Variants in EPHA6 observed in about 807,000 individuals in gnomAD.
The protein encoded by EPHA6 is EPH receptor A6, also known as ephrin type-A receptor 6.
In EPHA6, 50 loss-of-function variants were observed where a neutral mutation model predicts 112.0. The observed-to-expected ratio is 0.45, with a 90% CI of 0.36 to 0.56. EPHA6 has a LOEUF of 0.56. Among genes scored for constraint, EPHA6 ranks in the 20% least tolerant of loss-of-function variants. EPHA6 has a pLI of 0.00. For missense variants in EPHA6, 1,280 were observed against 1,417.4 expected, an observed-to-expected ratio of 0.90 and a Z score of 1.56; for synonymous variants, 529 against 490.7, an observed-to-expected ratio of 1.08 and a Z score of -1.03.
At position 97,566,779 on chromosome 3, in the gene EPHA6, C is replaced by T. The variant is rs534122943; in HGVS notation, c.2387-25833C>T. Among the ~76,000 whole-genome samples the T allele has an allele frequency of 9.2e-5, 14 of 152,188 alleles. 1 individual carries two copies. The highest frequency in any genetic ancestry group is 3.9e-4 in the Admixed American group (6 of 15,286). ...TTTCTTCAATAATGGCTTTACTATC[C>T]GGTGAGCTTTTTCTATATGGACACC... is the stretch of plus-strand genomic sequence containing the variant. On this transcript the variant is annotated intron_variant, in intron 11 of 17. Transcript: ENST00000389672.
intron 7 of EPHA6, among the ~76,000 whole-genome samples, chr3:97,454,167 C>A (rs1224463088): frequency 6.6e-6 from 1 of 151,746 alleles, no homozygotes; most frequent in Non-Finnish European, 1.5e-5. Context: ...AGCTTCCATG[C>A]CACTTTCCTG....
At chr3:97,486,012 C>A (rs1193122926) in intron 10 of EPHA6, among the ~76,000 whole-genome samples, 3 of 152,040 alleles carry the variant, frequency 2.0e-5, no homozygotes, top group African/African-American at 4.8e-5. Flanking sequence ...TAAAATGTTT[C>A]TTTTATTTTT....
chr3:97,532,813 T>C (rs1050708578), intron 11 of EPHA6, among the ~76,000 whole-genome samples: 2 of 152,038 alleles, frequency 1.3e-5, no homozygotes, highest in African/African-American at 4.8e-5. Flanking sequence ...GTTTTTGCTT[T>C]GTTTTGTTTT....
chr3:97,357,771 T>A (rs914057476), intron 5 of EPHA6, among the ~76,000 whole-genome samples: 47 of 152,308 alleles, frequency 3.1e-4, no homozygotes, highest in Middle Eastern at 3.4e-3. Context: ...CTATATTGTA[T>A]GTATTGTATA....
At chr3:97,187,615 AAAAG>A (rs1390276896) in intron 3 of EPHA6, among the ~76,000 whole-genome samples, 24 of 150,658 alleles carry the variant, frequency 1.6e-4, no homozygotes, top group African/African-American at 2.9e-4. Context: ...GAAAGAAAGA[AAAAG>A]AAAGAAAGGG....
At position 97,068,996 on chromosome 3, in the gene EPHA6, G is replaced by A. The variant is rs1378871887; in HGVS notation, c.1114+81003G>A. ...GCAGCCCACACTGAGTAAGGCGCAC[G>A]TGCGTATACACACACGCACACATAC... On this transcript the variant is annotated intron_variant, in intron 3 of 17. Transcript: ENST00000389672. 5.3e-5 allele frequency among the ~76,000 whole-genome samples: 8 copies of A among 152,040 alleles called. No individual in the cohort carries two copies. In the South Asian group the frequency reaches 1.0e-3, roughly 20 times the overall value.
chr3:97,271,201 A>G (rs1392963040), intron 5 of EPHA6, among the ~76,000 whole-genome samples: 1 of 152,238 alleles, frequency 6.6e-6, no homozygotes, highest in Non-Finnish European at 1.5e-5. Flanking sequence ...ACTTACTTAT[A>G]ATTAGCCTGA....
At chr3:97,641,490 C>T (rs932425464) in intron 14 of EPHA6, among the ~76,000 whole-genome samples, 7 of 152,160 alleles carry the variant, frequency 4.6e-5, no homozygotes, top group East Asian at 1.9e-4. Context: ...GCGTGAGCGA[C>T]GCAGAAGACG....
chr3:97,725,759 C>G (rs1157754623), intron 15 of EPHA6, among the ~76,000 whole-genome samples: 1 of 152,064 alleles, frequency 6.6e-6, no homozygotes, highest in Non-Finnish European at 1.5e-5. Flanking sequence ...CAGTAAAACC[C>G]TCCCACACTG....
intron 13 of EPHA6, among the ~76,000 whole-genome samples, chr3:97,625,738 T>C (rs2093850778): frequency 6.6e-6 from 1 of 151,728 alleles, no homozygotes; most frequent in African/African-American, 2.4e-5. Context: ...AAATCAAGGA[T>C]ATTTTTAAAA....
At chr3:97,287,839 T>C (rs1405122956) in intron 5 of EPHA6, among the ~76,000 whole-genome samples, 1 of 152,166 alleles carries the variant, frequency 6.6e-6, no homozygotes, top group Non-Finnish European at 1.5e-5. Context: ...TTTGCATCTA[T>C]GTTCATCAGG....
chr3:97,600,379 T>C (rs1233925572), intron 12 of EPHA6, among the ~76,000 whole-genome samples: 1 of 150,844 alleles, frequency 6.6e-6, no homozygotes, highest in Non-Finnish European at 1.5e-5. Context: ...TTTTTGCCCA[T>C]TCAGTATGAT....
At chr3:97,370,277 C>T (rs1392283508) in intron 5 of EPHA6, among the ~76,000 whole-genome samples, 1 of 152,146 alleles carries the variant, frequency 6.6e-6, no homozygotes, top group Non-Finnish European at 1.5e-5. Context: ...ATTGCTTCTT[C>T]ATTCATTCAT....
chr3:97,353,528 A>T (rs2108902295), intron 5 of EPHA6, among the ~76,000 whole-genome samples: 1 of 152,162 alleles, frequency 6.6e-6, no homozygotes, highest in African/African-American at 2.4e-5. Flanking sequence ...TGGGAAGAGA[A>T]TCCTTCCACA....
At chr3:96,914,951 A>G (rs1040569396) in intron 2 of EPHA6, among the ~76,000 whole-genome samples, 1 of 151,690 alleles carries the variant, frequency 6.6e-6, no homozygotes, top group Non-Finnish European at 1.5e-5. Flanking sequence ...TGATAAAAAA[A>G]CTTTTATGCA....
At chr3:96,887,667 C>T (rs1204888673) in intron 2 of EPHA6, among the ~76,000 whole-genome samples, 3 of 152,108 alleles carry the variant, frequency 2.0e-5, no homozygotes, top group Non-Finnish European at 2.9e-5. Flanking sequence ...GGATTATATG[C>T]CCTTTGTTTT....
intron 2 of EPHA6, among the ~76,000 whole-genome samples, chr3:96,874,318 G>A (rs775357518): frequency 6.6e-6 from 1 of 152,046 alleles, no homozygotes; most frequent in African/African-American, 2.4e-5. Context: ...GGAATATCTG[G>A]TGCATGTTTT....
At chr3:97,105,588 GA>G (rs1160024177) in intron 3 of EPHA6, among the ~76,000 whole-genome samples, 2 of 152,104 alleles carry the variant, frequency 1.3e-5, no homozygotes, top group African/African-American at 4.8e-5. Flanking sequence ...ATCAGTTTTA[GA>G]GTATGTGCCA....
intron 3 of EPHA6, among the ~76,000 whole-genome samples, chr3:97,081,635 T>C (rs2046723801): frequency 6.6e-6 from 1 of 151,798 alleles, no homozygotes. Context: ...ACTTTAACTA[T>C]GTGATTCCAT....
Sources: gnomAD v4.1 joint callset for allele counts (sites outside exome capture counted in the v4.1 genomes callset) on GRCh38, gnomAD v4.1.1 for gene constraint, MANE v1.5 for transcripts, NCBI Gene and HGNC (gene_info 2026-07-23, HGNC 2026-07-21) for gene names.